HIVEP3: variants seen among roughly 807,000 people sequenced by gnomAD.
HIVEP3 encodes HIVEP zinc finger 3.
Under a neutral mutation model 152.8 loss-of-function variants are expected in HIVEP3, and 49 were observed. That is an observed-to-expected ratio of 0.32 (90% CI 0.26 to 0.41). The LOEUF is 0.41. Among genes scored for constraint, HIVEP3 ranks in the 10% least tolerant of loss-of-function variants. The pLI is 1.00. For synonymous variants in HIVEP3, 1,269 were observed against 1,289.0 expected, an observed-to-expected ratio of 0.98 and a Z score of 0.33; for missense variants, 2,790 against 3,103.3, an observed-to-expected ratio of 0.90 and a Z score of 2.40.
chr1:41,915,689 C>T (rs2124469566), intron 1 of HIVEP3, among the ~76,000 whole-genome samples: 1 of 152,264 alleles, frequency 6.6e-6, no homozygotes, highest in South Asian at 2.1e-4. Flanking sequence ...ATCCTAATAC[C>T]TATCAACTAC....
intron 1 of HIVEP3, chr1:41,847,942 T>G (rs1643488120): frequency 6.6e-6 from 1 of 152,356 alleles, no homozygotes; most frequent in African/African-American, 2.4e-5. Flanking sequence ...CTTGCAGAAG[T>G]GGATCCCGTT....
chr1:41,771,528 T>C (rs1570501521), intron 1 of HIVEP3, among the ~76,000 whole-genome samples: 1 of 152,168 alleles, frequency 6.6e-6, no homozygotes, highest in African/African-American at 2.4e-5. Flanking sequence ...GCCCCGCGTG[T>C]CTACCCCTCC....
At chr1:41,665,146 G>A (rs140689919) in intron 2 of HIVEP3, among the ~76,000 whole-genome samples, 127 of 152,262 alleles carry the variant, frequency 8.3e-4, no homozygotes, top group African/African-American at 2.5e-3. Flanking sequence ...AAGCCAGAAG[G>A]TCTTCAGGAC....
chr1:41,711,315 A>G (rs1210733330), intron 1 of HIVEP3, among the ~76,000 whole-genome samples: 2 of 152,244 alleles, frequency 1.3e-5, no homozygotes, highest in African/African-American at 4.8e-5. Flanking sequence ...TGCAGAGCCC[A>G]TGGCAGCATC....
chr1:41,655,264 T>C (rs1337245641), intron 2 of HIVEP3, among the ~76,000 whole-genome samples: 1 of 152,018 alleles, frequency 6.6e-6, no homozygotes, highest in African/African-American at 2.4e-5. Flanking sequence ...ATATCAGTGA[T>C]ACCTTCTCTG....
intron 1 of HIVEP3, among the ~76,000 whole-genome samples, chr1:41,900,561 C>T (rs1644603850): frequency 6.6e-6 from 1 of 152,142 alleles, no homozygotes. Context: ...GGCTGGGCCT[C>T]TCTATCCCTT....
At chr1:41,831,040 T>G (rs1393946767) in intron 1 of HIVEP3, among the ~76,000 whole-genome samples, 1 of 152,234 alleles carries the variant, frequency 6.6e-6, no homozygotes, top group Non-Finnish European at 1.5e-5. Context: ...CATCCACATC[T>G]GAAGTCATCT....
At chr1:41,720,481 C>T (rs530203951) in intron 1 of HIVEP3, among the ~76,000 whole-genome samples, 1 of 152,178 alleles carries the variant, frequency 6.6e-6, no homozygotes, top group African/African-American at 2.4e-5. Flanking sequence ...CTTTTCAAAG[C>T]CTATTATGTG....
intron 4 of HIVEP3, among the ~76,000 whole-genome samples, 190 bp from the exon 5 acceptor site, chr1:41,575,879 C>T (rs1390212116): frequency 6.6e-6 from 1 of 152,228 alleles, no homozygotes; most frequent in East Asian, 1.9e-4. Flanking sequence ...AGAGAGAATT[C>T]CCTTATCCAA....
intron 1 of HIVEP3, among the ~76,000 whole-genome samples, chr1:41,815,580 G>T (rs1188510916): frequency 6.6e-6 from 1 of 152,182 alleles, no homozygotes; most frequent in Non-Finnish European, 1.5e-5. Context: ...GTGTTAATGG[G>T]ACCTAGACAG....
chr1:41,966,836 A>C (rs1388948796), intron 1 of HIVEP3, among the ~76,000 whole-genome samples: 1 of 152,042 alleles, frequency 6.6e-6, no homozygotes, highest in Non-Finnish European at 1.5e-5. Flanking sequence ...ATAGGCTAGA[A>C]ATAGATGGAT....
chr1:41,682,338 G>A (rs1305998961), intron 2 of HIVEP3, among the ~76,000 whole-genome samples: 3 of 152,120 alleles, frequency 2.0e-5, no homozygotes, highest in Non-Finnish European at 4.4e-5. Context: ...GCATTGCTGT[G>A]GATGTGTCTG....
At chr1:41,665,931 C>A (rs1057372809) in intron 2 of HIVEP3, among the ~76,000 whole-genome samples, 1 of 152,130 alleles carries the variant, frequency 6.6e-6, no homozygotes, top group Non-Finnish European at 1.5e-5. Context: ...GAGCTAGGGA[C>A]CAGCACAGTG....
chr1:41,522,173 C>T (rs914380588), intron 6 of HIVEP3, among the ~76,000 whole-genome samples: 1 of 152,168 alleles, frequency 6.6e-6, no homozygotes, highest in African/African-American at 2.4e-5. Flanking sequence ...GCCCCGGAGA[C>T]AAGGGGCCTG....
intron 2 of HIVEP3, among the ~76,000 whole-genome samples, chr1:41,657,510 T>C (rs1429054830): frequency 1.3e-5 from 2 of 152,206 alleles, no homozygotes; most frequent in Non-Finnish European, 2.9e-5. Flanking sequence ...TGGGGCAAAT[T>C]GGTCTATTTT....
At chr1:41,859,770 C>T (rs1643864326) in intron 1 of HIVEP3, among the ~76,000 whole-genome samples, 1 of 152,194 alleles carries the variant, frequency 6.6e-6, no homozygotes, top group African/African-American at 2.4e-5. Flanking sequence ...TTCTAATTTG[C>T]CTTTCTTTAA....
At chr1:41,700,103 C>T (rs538734265) in intron 2 of HIVEP3, among the ~76,000 whole-genome samples, 1 of 152,304 alleles carries the variant, frequency 6.6e-6, no homozygotes, top group East Asian at 1.9e-4. Flanking sequence ...GAACTACCCC[C>T]ACAACCAAAC....
At chr1:41,928,571 T>G (rs575709157) in intron 1 of HIVEP3, among the ~76,000 whole-genome samples, 91 of 152,340 alleles carry the variant, frequency 6.0e-4, no homozygotes, top group African/African-American at 2.0e-3. Context: ...ACTGATGTCC[T>G]TTTTCATTCC....
intron 5 of HIVEP3, among the ~76,000 whole-genome samples, chr1:41,568,234 G>A (rs1644198304): frequency 6.6e-6 from 1 of 152,246 alleles, no homozygotes; most frequent in African/African-American, 2.4e-5. Flanking sequence ...AAGTGCCATG[G>A]AGTGTGCAAA....
Sources: gnomAD v4.1 joint callset for allele counts (sites outside exome capture counted in the v4.1 genomes callset) on GRCh38, gnomAD v4.1.1 for gene constraint, MANE v1.5 for transcripts, NCBI Gene and HGNC (gene_info 2026-07-23, HGNC 2026-07-21) for gene names.